The following RAB5B variants were observed in gnomAD, a reference collection of about 807,000 sequenced individuals.
The protein encoded by RAB5B is RAB5B, member RAS oncogene family.
RAB5B carries 11 observed loss-of-function variants against 28.6 expected under a neutral mutation model. The ratio of observed to expected loss-of-function variants is 0.38; its 90% CI spans 0.24 to 0.64. The LOEUF is 0.64. Ranked by LOEUF, RAB5B falls within the 30% of genes least tolerant of loss-of-function variation. The pLI, the probability that RAB5B is intolerant of heterozygous loss-of-function variation, is 0.53. For synonymous variants in RAB5B, 93 were observed against 97.9 expected (o/e 0.95, Z 0.29); for missense variants, 169 against 265.6 (o/e 0.64, Z 2.53).
At chr12:55,990,122 C>G in intron 3 of RAB5B, 24 bp downstream of exon 3, 3 of 1,600,980 alleles carry the variant, frequency 1.9e-6, no homozygotes, top group East Asian at 2.2e-5. Flanking sequence ...GAAGACTGTC[C>G]TTGTTGGCTG....
At position 55,992,157 on chromosome 12, in the gene RAB5B, G is replaced by A; in HGVS notation, c.593G>A (p.Gly198Asp). 1.9e-6 allele frequency: 3 copies of A among 1,614,174 alleles called. No individual in the cohort carries two copies. The highest frequency in any genetic ancestry group is 2.5e-6 in the Non-Finnish European group (3 of 1,180,026). The part of the protein sequence containing the change: ...NLGGAAGRSR[G>D]VDLHEQSQQN... Reference sequence around the variant, plus strand: ...GGAGGTGCAGCAGGCCGAAGCCGGGGTGTGGATCTCCATGAACAGTCCCAG... The same window carrying A: ...GGAGGTGCAGCAGGCCGAAGCCGGGATGTGGATCTCCATGAACAGTCCCAG... The change falls in exon 6 of 6, where the codon GGT becomes GAT. Residue 198 changes from glycine to aspartate, a missense_variant. By Grantham distance (94) the Gly-to-Asp change is moderately conservative (BLOSUM62 -1). Coordinates refer to ENST00000360299, the MANE Select transcript of RAB5B (RefSeq NM_002868.4).
chr12:55,996,171 A>AC lies in RAB5B; in HGVS notation c.*3964dup, dbSNP rs1890301577. On this transcript the variant is annotated 3_prime_UTR_variant, in exon 6 of 6. Transcript: ENST00000360299. ...CTTATATCTCTTGGTAATACCCCCC[A>AC]CCCCCGTTCCCTGATTCCTGGTAAA... The AC allele has an allele frequency of 6.8e-6, 1 of 146,790 alleles. No homozygotes were observed. The highest frequency in any genetic ancestry group is 1.5e-5 in the Non-Finnish European group (1 of 66,806). 9.1% of individuals were successfully genotyped at this position (146,790 alleles called of 1,614,324 possible).
chr12:55,996,003 A>ATATATATATATTTTTTTTT lies in RAB5B; in HGVS notation c.*3792_*3793insATATATATATTTTTTTTTT. On this transcript the variant is annotated 3_prime_UTR_variant, in exon 6 of 6. Transcript: ENST00000360299. ...TATATACATATATATATATATATAT[A>ATATATATATATTTTTTTTT]TTTTTTTTTTAACAACTGGTAGGAT... 5 of 97,404 alleles carry ATATATATATATTTTTTTTT rather than the reference A, an allele frequency of 5.1e-5. No individual in the cohort carries two copies. Among genetic ancestry groups the ATATATATATATTTTTTTTT allele is most frequent in the African/African-American group, 9.5e-5 (2 of 21,150 alleles). The allele number at this position is 97,404 out of a possible 1,614,324, so 6.0% of individuals were successfully genotyped here.
intron 1 of RAB5B, among the ~76,000 whole-genome samples, chr12:55,975,871 C>T (rs1299379902): frequency 2.0e-5 from 3 of 149,996 alleles, no homozygotes; most frequent in African/African-American, 7.4e-5. Context: ...CCTGCCTCAG[C>T]CTCCCAAGTA....
At chr12:55,988,221 A>C (rs1186262219) in intron 2 of RAB5B, among the ~76,000 whole-genome samples, 2 of 152,194 alleles carry the variant, frequency 1.3e-5, no homozygotes, top group African/African-American at 4.8e-5. Context: ...AATCCCAGCT[A>C]CTTGGGAAGC....
In RAB5B at chr12:55,995,689, T is replaced by C. The variant is rs986095955; in HGVS notation, c.*3477T>C. 1.3e-5 allele frequency: 2 copies of C among 152,150 alleles called. No homozygotes were observed. Among genetic ancestry groups the C allele is most frequent in the African/African-American group, 4.8e-5 (2 of 41,420 alleles). The allele number at this position is 152,150 out of a possible 1,614,324, so 9.4% of individuals were successfully genotyped here. A position where few individuals can be genotyped will look rare whatever the true frequency, so the allele number is the denominator to read the frequency against. On this transcript the variant is annotated 3_prime_UTR_variant, in exon 6 of 6. Transcript: ENST00000360299. ...AGACAAATCTGACATTCTAGGCCTG[T>C]CTCTGTCAACTTAACCAGCTGTGGC...
At chr12:55,986,385 TGTG>T (rs1889951811) in intron 1 of RAB5B, among the ~76,000 whole-genome samples, 1 of 151,882 alleles carries the variant, frequency 6.6e-6, no homozygotes. Context: ...AGGCAGAGGT[TGTG>T]GTGAGCCAAG....
intron 1 of RAB5B, among the ~76,000 whole-genome samples, chr12:55,983,655 T>C (rs1472856112): frequency 2.0e-5 from 1 of 49,826 alleles, no homozygotes; most frequent in African/African-American, 1.0e-4. Flanking sequence ...TTATGTCTCC[T>C]TTTTTTTTTT....
Position 55,995,847 on chromosome 12 carries a change from A to T in RAB5B, c.*3635A>T, listed in dbSNP as rs1381795530. 2 of 151,016 alleles carry T rather than the reference A, an allele frequency of 1.3e-5. No individual in the cohort carries two copies. Among genetic ancestry groups the T allele is most frequent in the African/African-American group, 4.9e-5 (2 of 41,050 alleles). The allele number at this position is 151,016 out of a possible 1,614,324, so 9.4% of individuals were successfully genotyped here. On this transcript the variant is annotated 3_prime_UTR_variant, in exon 6 of 6. Coordinates refer to ENST00000360299, the MANE Select transcript of RAB5B (RefSeq NM_002868.4). ...ACACTATTAGGAAGGAGGCTTTTAG[A>T]TAGTCCCTAACTGACTTCTCTGTAT...
Position 55,995,007 on chromosome 12 carries a change from G to C in RAB5B, c.*2795G>C, listed in dbSNP as rs191538953. On this transcript the variant is annotated 3_prime_UTR_variant, in exon 6 of 6. Coordinates refer to ENST00000360299, the MANE Select transcript of RAB5B (RefSeq NM_002868.4). ...CTCTTAACAGAATGTATATGTGTAG[G>C]GTATGGTCTGTGGATCTTTGGGCCC... 2.4e-4 allele frequency: 36 copies of C among 152,034 alleles called. 3 individuals carry two copies. Among genetic ancestry groups the C allele is most frequent in the African/African-American group, 8.7e-4 (36 of 41,444 alleles). 9.4% of individuals were successfully genotyped at this position (152,034 alleles called of 1,614,324 possible).
chr12:55,991,374 T>C lies in RAB5B; in HGVS notation c.453T>C (p.Tyr151=), dbSNP rs1437369844. Residue 151 remains tyrosine (Y), a synonymous_variant, in exon 5 of 6, where the codon TAT becomes TAC. Coordinates refer to ENST00000360299, the MANE Select transcript of RAB5B (RefSeq NM_002868.4). ...ACTCCTTGCAGGAGGCCCAGGCATA[T>C]GCAGATGACAACAGCTTATTGTTCA... ...RMVEYEEAQA[Y]ADDNSLLFME... is the part of the protein sequence containing the mutation. The C allele has an allele frequency of 6.2e-7, 1 of 1,613,838 alleles. No individual in the cohort carries two copies. The highest frequency in any genetic ancestry group is 8.5e-7 in the Non-Finnish European group (1 of 1,179,834).
chr12:55,991,964 A>C, intron 5 of RAB5B, 133 bp from the exon 6 acceptor site: 1 of 650,398 alleles, frequency 1.5e-6, no homozygotes, highest in Non-Finnish European at 2.7e-6. Context: ...GAACCCTCCC[A>C]TCTTCAGAAC....
intron 1 of RAB5B, chr12:55,980,625 C>T (rs1243628613): frequency 2.3e-5 from 37 of 1,598,764 alleles, no homozygotes; most frequent in Middle Eastern, 1.7e-4. Context: ...GCCAACTTAT[C>T]GGCCTGCTCC....
At chr12:55,990,374 C>T (rs1890077205) in intron 3 of RAB5B, among the ~76,000 whole-genome samples, 1 of 151,826 alleles carries the variant, frequency 6.6e-6, no homozygotes, top group Non-Finnish European at 1.5e-5. Flanking sequence ...AGCCACTGCA[C>T]TCTAGCCTCG....
intron 1 of RAB5B, chr12:55,980,661 T>C: frequency 1.3e-6 from 2 of 1,594,132 alleles, no homozygotes; most frequent in South Asian, 1.1e-5. Flanking sequence ...TTGGCCTCCA[T>C]GTCACATTTG....
Position 55,989,934 on chromosome 12 carries a change from C to A in RAB5B, c.164-13C>A, listed in dbSNP as rs755354499. ...CACTTACAGCATCTTCCCCTCCATT[C>A]TCTCATCCATAGCGGCCTTCCTCAC... On this transcript the variant is annotated splice_polypyrimidine_tract_variant and intron_variant, in intron 2 of 5. Coordinates refer to ENST00000360299, the MANE Select transcript of RAB5B (RefSeq NM_002868.4). 1 of 1,607,554 alleles carries A rather than the reference C, an allele frequency of 6.2e-7. No homozygotes were observed. The highest frequency in any genetic ancestry group is 1.1e-5 in the South Asian group (1 of 90,952).
intron 1 of RAB5B, among the ~76,000 whole-genome samples, chr12:55,985,185 G>A (rs1045268460): frequency 2.6e-5 from 4 of 152,078 alleles, no homozygotes; most frequent in Admixed American, 1.3e-4. Context: ...AAAAACAAAC[G>A]TGGAGAATTG....
Position 55,992,035 on chromosome 12 carries a change from G to A in RAB5B, c.533-62G>A, listed in dbSNP as rs567559894. On this transcript the variant is annotated intron_variant, in intron 5 of 5. Transcript: ENST00000360299. ...ATTCAGTAGCCGTTTTTGGCGGGTGGAGGCAGAGGGGTAGGGAAGTAAAGT... is the reference window on the plus strand; with the variant it reads ...ATTCAGTAGCCGTTTTTGGCGGGTGAAGGCAGAGGGGTAGGGAAGTAAAGT... The A allele has an allele frequency of 2.7e-5, 35 of 1,310,126 alleles. No individual in the cohort carries two copies. The African/African-American group carries it at 4.5e-4, about 17-fold the overall frequency. 81.2% of individuals were successfully genotyped at this position (1,310,126 alleles called of 1,614,324 possible).
chr12:55,975,108 A>C (rs1352638488), intron 1 of RAB5B, among the ~76,000 whole-genome samples: 1 of 152,168 alleles, frequency 6.6e-6, no homozygotes, highest in Non-Finnish European at 1.5e-5. Context: ...TGTGGTCTAT[A>C]GCAAATACCA....
Sources: allele counts gnomAD v4.1 joint callset (sites outside exome capture counted in the v4.1 genomes callset), GRCh38; gene constraint gnomAD v4.1.1; transcripts MANE v1.5; gene names NCBI Gene and HGNC (gene_info 2026-07-23, HGNC 2026-07-21).